The following RPH3A variants were observed in gnomAD, a reference collection of about 807,000 sequenced individuals.
RPH3A encodes rabphilin-3A.
RPH3A carries 48 observed loss-of-function variants against 102.2 expected under a neutral mutation model. The observed-to-expected ratio is 0.47, with a 90% CI of 0.37 to 0.60. RPH3A has a LOEUF of 0.60. RPH3A is among the 20% of genes least tolerant of loss of function. RPH3A has a pLI of 0.00. For synonymous variants in RPH3A, 310 were observed against 324.3 expected (o/e 0.96, Z 0.47); for missense variants, 781 against 910.1 (o/e 0.86, Z 1.83).
chr12:112,819,994 C>T (rs890209431), intron 2 of RPH3A, among the ~76,000 whole-genome samples: 4 of 152,194 alleles, frequency 2.6e-5, no homozygotes, highest in African/African-American at 7.2e-5. Context: ...ATAGATTTCA[C>T]CTCTGGATGG....
intron 1 of RPH3A, among the ~76,000 whole-genome samples, chr12:112,600,819 A>G (rs1246361906): frequency 2.0e-5 from 3 of 152,170 alleles, no homozygotes; most frequent in Non-Finnish European, 4.4e-5. Context: ...TCATGCTGCT[A>G]ATAAAGACAT....
chr12:112,597,418 A>G (rs1374904715), intron 1 of RPH3A, among the ~76,000 whole-genome samples: 1 of 152,076 alleles, frequency 6.6e-6, no homozygotes, highest in African/African-American at 2.4e-5. Context: ...CCCCACCTCT[A>G]CTAAAAATGC....
chr12:112,755,471 G>A (rs972388395), intron 1 of RPH3A, among the ~76,000 whole-genome samples: 2 of 152,148 alleles, frequency 1.3e-5, no homozygotes, highest in Non-Finnish European at 1.5e-5. Flanking sequence ...TAGGTAGAGT[G>A]TTCTTTGCAC....
At chr12:112,788,003 G>A (rs951050969), upstream of RPH3A, among the ~76,000 whole-genome samples, 21 of 152,328 alleles carry the variant, frequency 1.4e-4, no homozygotes, top group African/African-American at 1.9e-4. Context: ...GACCCTGGCC[G>A]GGCTCAGCCT....
At chr12:112,824,973 C>G (rs2041842668) in intron 2 of RPH3A, among the ~76,000 whole-genome samples, 1 of 151,804 alleles carries the variant, frequency 6.6e-6, no homozygotes, top group East Asian at 1.9e-4. Context: ...TGTCTTCTCT[C>G]TGCTGCAAAG....
At chr12:112,842,048 T>C (rs2042156652) in intron 4 of RPH3A, 1 of 456,080 alleles carries the variant, frequency 2.2e-6, no homozygotes, top group South Asian at 1.5e-5. Context: ...CAAATGCCAG[T>C]CAGTGATCCA....
intron 1 of RPH3A, among the ~76,000 whole-genome samples, chr12:112,713,051 CCTTCTTCTTCTTCTT>C (rs397958107): frequency 0.052 from 4,454 of 85,738 alleles, 142 homozygotes; most frequent in Non-Finnish European, 0.069. Flanking sequence ...TTCTTCTTCT[CCTTCTTCTTCTTCTT>C]CTTCTTCTTC....
chr12:112,758,923 A>G (rs757819173), intron 1 of RPH3A, among the ~76,000 whole-genome samples: 2 of 152,198 alleles, frequency 1.3e-5, no homozygotes, highest in African/African-American at 2.4e-5. Context: ...GGACAGAAAT[A>G]TGGCGCTTCC....
chr12:112,837,746 G>C, intron 4 of RPH3A: 2 of 455,972 alleles, frequency 4.4e-6, no homozygotes, highest in Non-Finnish European at 8.8e-6. Flanking sequence ...TCACCAGAGA[G>C]AAGTTCATGA....
At chr12:112,821,230 A>G (rs1182237196) in intron 2 of RPH3A, among the ~76,000 whole-genome samples, 1 of 152,194 alleles carries the variant, frequency 6.6e-6, no homozygotes, top group African/African-American at 2.4e-5. Context: ...TTGGTGTCCC[A>G]AGTGTCCTTG....
At chr12:112,778,774 T>C (rs2040986762) in intron 1 of RPH3A, among the ~76,000 whole-genome samples, 1 of 152,210 alleles carries the variant, frequency 6.6e-6, no homozygotes, top group Non-Finnish European at 1.5e-5. Flanking sequence ...ATGAAAATGA[T>C]ATGCCTCTTT....
intron 1 of RPH3A, among the ~76,000 whole-genome samples, chr12:112,742,990 A>G (rs2040720532): frequency 6.6e-6 from 1 of 151,984 alleles, no homozygotes; most frequent in African/African-American, 2.4e-5. Context: ...TCCCCATGCA[A>G]TCCTATCCCT....
At chr12:112,757,986 T>C (rs2040832451) in intron 1 of RPH3A, among the ~76,000 whole-genome samples, 1 of 152,166 alleles carries the variant, frequency 6.6e-6, no homozygotes, top group African/African-American at 2.4e-5. Flanking sequence ...TGGCAGCTGC[T>C]CTAGTCCCTT....
intron 1 of RPH3A, among the ~76,000 whole-genome samples, chr12:112,755,222 C>A (rs2040814159): frequency 6.6e-6 from 1 of 151,800 alleles, no homozygotes; most frequent in African/African-American, 2.4e-5. Context: ...GTCACCTAGT[C>A]CAGGGGGTCA....
intron 1 of RPH3A, among the ~76,000 whole-genome samples, chr12:112,697,854 A>C (rs1451468290): frequency 3.3e-5 from 5 of 152,100 alleles, no homozygotes; most frequent in African/African-American, 9.7e-5. Context: ...GAGAAGAGTG[A>C]AACTCCATCT....
Position 112,868,593 on chromosome 12 carries a change from G to A in RPH3A, c.608G>A (p.Arg203Gln), listed in dbSNP as rs113019698. The change falls in exon 8 of 22, where the codon CGA (arginine) becomes CAA (glutamine). Residue 203 changes from arginine (R) to glutamine (Q), a missense_variant and splice_region_variant. By Grantham distance (43) the Arg-to-Gln change is conservative (BLOSUM62 1). Coordinates refer to ENST00000389385, the MANE Select transcript of RPH3A (RefSeq NM_001143854.2). ...AAGCACCCTGCCCGGGCTCCAGCTC[G>A]AGGTAGGACAAAACAGGTGCTTCTT... Reference protein sequence around the residue: ...EPKHPARAPARGDSEDRRGPG... With the variant: ...EPKHPARAPAQGDSEDRRGPG... 5,988 of 1,613,614 alleles carry A rather than the reference G, an allele frequency of 3.7e-3. 187 individuals carry two copies. The African/African-American group carries it at 0.065, about 17-fold the overall frequency.
chr12:112,800,103 A>T (rs765626290), intron 2 of RPH3A, among the ~76,000 whole-genome samples: 3 of 152,218 alleles, frequency 2.0e-5, no homozygotes, highest in Non-Finnish European at 4.4e-5. Context: ...AAGTAAACAC[A>T]TAAACAAGAA....
At chr12:112,674,320 C>G (rs181522409) in intron 1 of RPH3A, among the ~76,000 whole-genome samples, 1 of 152,090 alleles carries the variant, frequency 6.6e-6, no homozygotes, top group Non-Finnish European at 1.5e-5. Flanking sequence ...AGACTCAGAG[C>G]GGCAAGAGGC....
chr12:112,589,281 C>G (rs1346906958), intron 1 of RPH3A, among the ~76,000 whole-genome samples: 2 of 152,166 alleles, frequency 1.3e-5, no homozygotes, highest in Non-Finnish European at 2.9e-5. Context: ...CTCTTACAAA[C>G]TGTGCTTTCT....
Sources: gnomAD v4.1 joint callset for allele counts (sites outside exome capture counted in the v4.1 genomes callset) on GRCh38, gnomAD v4.1.1 for gene constraint, MANE v1.5 for transcripts, NCBI Gene and HGNC (gene_info 2026-07-23, HGNC 2026-07-21) for gene names.